WASHC4: variants seen among roughly 807,000 people sequenced by gnomAD.
WASHC4 encodes the protein WASH complex subunit 4, also known as WASH complex subunit 7.
In WASHC4, 86 loss-of-function variants were observed where a neutral mutation model predicts 166.6. That is an observed-to-expected ratio of 0.52 (90% CI 0.43 to 0.62). WASHC4 has a LOEUF of 0.62. WASHC4 is among the 20% of genes least tolerant of loss of function. The pLI is 0.00. For synonymous variants in WASHC4, 446 were observed against 451.6 expected (o/e 0.99, Z 0.16); for missense variants, 1,262 against 1,382.4 (o/e 0.91, Z 1.38).
chr12:105,120,882 A>G (rs1230327797), intron 8 of WASHC4, among the ~76,000 whole-genome samples: 1 of 152,220 alleles, frequency 6.6e-6, no homozygotes, highest in African/African-American at 2.4e-5. Flanking sequence ...GCAACTAAGG[A>G]TGAAATTTTG....
rs779364659 is a variant in WASHC4, at chr12:105,164,744, A to C, written c.3454+4A>C. On this transcript the variant is annotated splice_donor_region_variant and intron_variant, in intron 32 of 32. Transcript: ENST00000332180. ...CAAGAAAAGAAAGAGAAGGAAGGTC[A>C]GTGAGTGGTTTAAATTTGGAAAGAC... The C allele has an allele frequency of 4.6e-5, 74 of 1,602,884 alleles. 1 individual carries two copies. The East Asian group carries it at 1.6e-3, about 35-fold the overall frequency.
At chr12:105,143,103 T>C (rs929708284) in intron 19 of WASHC4, 24 bp from the exon 20 acceptor site, 2 of 1,449,786 alleles carry the variant, frequency 1.4e-6, no homozygotes, top group Non-Finnish European at 9.7e-7. Flanking sequence ...TCTAAATTCA[T>C]GTACATTTTA....
intron 28 of WASHC4, 70 bp from the exon 29 acceptor site, chr12:105,159,931 T>G: frequency 7.2e-7 from 1 of 1,385,440 alleles, no homozygotes; most frequent in East Asian, 2.3e-5. Flanking sequence ...ATCTAAACTA[T>G]TGAGAGATGG....
chr12:105,140,185 G>GT, intron 15 of WASHC4, 109 bp from the exon 16 acceptor site: 1 of 825,514 alleles, frequency 1.2e-6, no homozygotes, highest in Admixed American at 1.8e-5. Context: ...AGGTTTTTTT[G>GT]TATCTCATTT....
chr12:105,120,781 C>T (rs1378869219), intron 8 of WASHC4, among the ~76,000 whole-genome samples, 184 bp downstream of exon 8: 1 of 151,900 alleles, frequency 6.6e-6, no homozygotes, highest in Non-Finnish European at 1.5e-5. Context: ...CATTATTGAC[C>T]ATTATCAGTG....
rs1305544905 is a variant in WASHC4 at position 105,137,907 on chromosome 12, A to G, written c.1348A>G (p.Ile450Val). The change falls in exon 15 of 33, where the codon ATT becomes GTT. Residue 450 changes from isoleucine (I) to valine (V), a missense_variant. Transcript: ENST00000332180. ...ACAGGGCTTCTTGTATGCATATAGTATTAGTACCATTATTAAAACCACAAT... is the reference window on the plus strand; with the variant it reads ...ACAGGGCTTCTTGTATGCATATAGTGTTAGTACCATTATTAAAACCACAAT... ...FIQGFLYAYS[I>V]STIIKTTMNL... 1.2e-6 allele frequency: 2 copies of G among 1,607,946 alleles called. No homozygotes were observed. Among genetic ancestry groups the G allele is most frequent in the East Asian group, 2.2e-5 (1 of 44,732 alleles).
chr12:105,151,145 CAAAAA>C (rs34655671), intron 25 of WASHC4, among the ~76,000 whole-genome samples: 2 of 61,014 alleles, frequency 3.3e-5, no homozygotes, highest in Non-Finnish European at 5.7e-5. Flanking sequence ...GACTCTGTCT[CAAAAA>C]AAAAAAAAAA....
At chr12:105,150,559 A>G (rs1394608684) in intron 25 of WASHC4, among the ~76,000 whole-genome samples, 1 of 152,176 alleles carries the variant, frequency 6.6e-6, no homozygotes, top group Non-Finnish European at 1.5e-5. Flanking sequence ...TAAGATAGGT[A>G]GATCACTTGA....
chr12:105,122,749 G>A (rs1880885999), intron 10 of WASHC4, among the ~76,000 whole-genome samples: 1 of 152,050 alleles, frequency 6.6e-6, no homozygotes, highest in African/African-American at 2.4e-5. Flanking sequence ...TGTTACTATT[G>A]TAATTGTTCT....
chr12:105,112,770 A>G (rs1220506764), intron 2 of WASHC4, among the ~76,000 whole-genome samples: 2 of 152,112 alleles, frequency 1.3e-5, no homozygotes, highest in African/African-American at 4.8e-5. Flanking sequence ...GTATTGCATT[A>G]TAGGACAAGT....
chr12:105,116,640 A>C (rs1284058201), intron 6 of WASHC4, among the ~76,000 whole-genome samples: 2 of 152,192 alleles, frequency 1.3e-5, no homozygotes, highest in Non-Finnish European at 2.9e-5. Flanking sequence ...TGGGTTAGCT[A>C]TGTGAGATGA....
rs183009607 is a variant in WASHC4, at chr12:105,124,324, G to A, written c.787-1680G>A. Among the ~76,000 whole-genome samples, 68 of 151,684 alleles carry A rather than the reference G, an allele frequency of 4.5e-4. No homozygotes were observed. The East Asian group carries it at 6.8e-3, about 15-fold the overall frequency. On this transcript the variant is annotated intron_variant, in intron 10 of 32. Coordinates refer to ENST00000332180, the MANE Select transcript of WASHC4 (RefSeq NM_015275.3). The stretch of plus-strand genomic sequence containing the variant: ...AGTAGAGATGGGGTTTCTCCATGTT[G>A]GTCAGGCTGGTCTTGAACTCCCGAC...
At chr12:105,160,390 C>G (rs1049675946) in intron 29 of WASHC4, among the ~76,000 whole-genome samples, 1 of 152,114 alleles carries the variant, frequency 6.6e-6, no homozygotes, top group South Asian at 2.1e-4. Context: ...CCCTGTCACC[C>G]AGGCTGGAGT....
chr12:105,139,425 G>GTGTGTGTATATATATATA, intron 15 of WASHC4, among the ~76,000 whole-genome samples: 37 of 103,212 alleles, frequency 3.6e-4, no homozygotes, highest in African/African-American at 1.3e-3. Context: ...ATGTGTGTGT[G>GTGTGTGTATATATATATA]TATATATATA....
intron 29 of WASHC4, 112 bp from the exon 30 acceptor site, chr12:105,162,636 AT>A: frequency 1.7e-6 from 1 of 605,614 alleles, no homozygotes; most frequent in Non-Finnish European, 2.9e-6. Flanking sequence ...TCTAGATTCT[AT>A]TCTATTCTAT....
chr12:105,125,972 T>A (rs1199944408), intron 10 of WASHC4, 32 bp from the exon 11 acceptor site: 2 of 1,597,418 alleles, frequency 1.3e-6, no homozygotes, highest in East Asian at 4.5e-5. Context: ...TTATTGAGAG[T>A]CTGAATTTCT....
intron 30 of WASHC4, 67 bp from the exon 31 acceptor site, chr12:105,164,044 G>A (rs1884660655): frequency 7.5e-7 from 1 of 1,340,972 alleles, no homozygotes; most frequent in Admixed American, 1.7e-5. Flanking sequence ...GGGAATTATT[G>A]GTGAAGGAGT....
intron 26 of WASHC4, among the ~76,000 whole-genome samples, chr12:105,154,727 T>C (rs1347247892): frequency 6.6e-6 from 1 of 152,232 alleles, no homozygotes; most frequent in Non-Finnish European, 1.5e-5. Flanking sequence ...TTTGTAGGTC[T>C]CTTAGCTAAC....
chr12:105,156,970 G>A (rs891699481), intron 27 of WASHC4, among the ~76,000 whole-genome samples, 178 bp downstream of exon 27: 2 of 152,142 alleles, frequency 1.3e-5, no homozygotes, highest in South Asian at 4.1e-4. Flanking sequence ...GACTGCAGCA[G>A]ACTTCTGAAA....
Sources: allele counts gnomAD v4.1 joint callset (sites outside exome capture counted in the v4.1 genomes callset), GRCh38; gene constraint gnomAD v4.1.1; transcripts MANE v1.5; gene names NCBI Gene and HGNC (gene_info 2026-07-23, HGNC 2026-07-21).